RBM44: variants seen among roughly 807,000 people sequenced by gnomAD.
The protein encoded by RBM44 is RNA-binding protein 44.
A neutral mutation model predicts 105.1 loss-of-function variants in RBM44; 66 were observed. The observed-to-expected ratio is 0.63, with a 90% CI of 0.52 to 0.77. The LOEUF (loss-of-function observed/expected upper bound fraction) is 0.77. Among genes scored for constraint, RBM44 ranks in the 30% least tolerant of loss-of-function variants. RBM44 has a pLI of 0.00. For missense variants in RBM44, 1,122 were observed against 1,207.8 expected (o/e 0.93, Z 1.05); for synonymous variants, 365 against 417.6 (o/e 0.87, Z 1.54).
intron 12 of RBM44, among the ~76,000 whole-genome samples, chr2:237,828,531 T>C (rs2061871650): frequency 1.3e-5 from 2 of 152,130 alleles, no homozygotes; most frequent in Admixed American, 1.3e-4. Context: ...TGTGTAGAAA[T>C]TTAGAAAGTA....
chr2:237,838,644 A>G (rs1267190561), intron 15 of RBM44, among the ~76,000 whole-genome samples: 1 of 152,168 alleles, frequency 6.6e-6, no homozygotes, highest in Non-Finnish European at 1.5e-5. Context: ...TGTTGGGGGT[A>G]CTCAAGACCA....
intron 15 of RBM44, among the ~76,000 whole-genome samples, chr2:237,840,713 T>C (rs2150994270): frequency 6.6e-6 from 1 of 152,188 alleles, no homozygotes; most frequent in Middle Eastern, 3.4e-3. Context: ...TGTAAGGAAC[T>C]TAAATTAACA....
rs2061568342 is a variant in RBM44 at position 237,803,502 on chromosome 2, A to G, written c.-19+4641A>G. Among the ~76,000 whole-genome samples, 1 of 152,232 alleles carries G rather than the reference A, an allele frequency of 6.6e-6. No individual in the cohort carries two copies. Among genetic ancestry groups the G allele is most frequent in the South Asian group, 2.1e-4 (1 of 4,832 alleles). Reference sequence around the variant, plus strand: ...AGCAATTTAAAAAATCTATTTGTACAAGTTATTTATGTAATCTGAATAAGC... The same window carrying G: ...AGCAATTTAAAAAATCTATTTGTACGAGTTATTTATGTAATCTGAATAAGC... On this transcript the variant is annotated intron_variant, in intron 1 of 15. Coordinates refer to ENST00000316997, the MANE Select transcript of RBM44 (RefSeq NM_001080504.3). This position sits in a 1 kb window ranked among gnomAD's most constrained non-coding sequence, Gnocchi z 4.2.
At chr2:237,815,191 A>G (rs1418871682) in intron 2 of RBM44, among the ~76,000 whole-genome samples, 1 of 152,196 alleles carries the variant, frequency 6.6e-6, no homozygotes, top group Non-Finnish European at 1.5e-5. Flanking sequence ...AGCTAGGAAA[A>G]TTCAGTTATA....
At chr2:237,808,667 G>A (rs1446746562) in intron 1 of RBM44, among the ~76,000 whole-genome samples, 3 of 152,150 alleles carry the variant, frequency 2.0e-5, no homozygotes, top group Non-Finnish European at 4.4e-5. Context: ...CAAGGTAGGA[G>A]ATGTGACAGA....
intron 15 of RBM44, among the ~76,000 whole-genome samples, chr2:237,836,716 G>A (rs1418268547): frequency 1.3e-5 from 2 of 150,584 alleles, no homozygotes; most frequent in African/African-American, 4.9e-5. Flanking sequence ...GGAGGCAGAG[G>A]TTGCAGTGAG....
Position 237,819,871 on chromosome 2 carries a change from G to A in RBM44, c.1737-304G>A, listed in dbSNP as rs190181852. Among the ~76,000 whole-genome samples the A allele has an allele frequency of 3.6e-4, 54 of 151,954 alleles. No homozygotes were observed. In the South Asian group the frequency reaches 7.1e-3, roughly 20 times the overall value. On this transcript the variant is annotated intron_variant, in intron 4 of 15. Transcript: ENST00000316997. Reference sequence around the variant, plus strand: ...GGATAAATAAGGTCATTACCAAAATGACTTTATAGAGAATAAGCAATTCTC... The same window carrying A: ...GGATAAATAAGGTCATTACCAAAATAACTTTATAGAGAATAAGCAATTCTC...
chr2:237,818,418 CAAT>C lies in RBM44; in HGVS notation c.1500_1502del (p.Met502del), dbSNP rs1485956551. On this transcript the variant is annotated inframe_deletion, in exon 3 of 16. Coordinates refer to ENST00000316997, the MANE Select transcript of RBM44 (RefSeq NM_001080504.3). The surrounding 1 kb of genome is among the most constrained non-coding windows in gnomAD (Gnocchi z 4.6). ...TCTACATCAAGCAACACAGAGATAA[CAAT>C]GATGAATAAAAAACGACCTGATGAA... is the stretch of plus-strand genomic sequence containing the variant. 11 of 1,558,716 alleles carry C rather than the reference CAAT, an allele frequency of 7.1e-6. No homozygotes were observed. The highest frequency in any genetic ancestry group is 1.4e-5 in the African/African-American group (1 of 72,926).
chr2:237,836,835 G>T (rs1327661857), intron 15 of RBM44, among the ~76,000 whole-genome samples: 1 of 150,412 alleles, frequency 6.6e-6, no homozygotes, highest in African/African-American at 2.4e-5. Context: ...CACCTATGTT[G>T]CCCAGGCTGG....
chr2:237,833,726 A>G (rs1221337931), intron 13 of RBM44, among the ~76,000 whole-genome samples: 1 of 152,138 alleles, frequency 6.6e-6, no homozygotes, highest in Non-Finnish European at 1.5e-5. Flanking sequence ...TATGGTTCAG[A>G]TGAGGAATCT....
At chr2:237,834,209 AC>A (rs2061934117) in intron 14 of RBM44, 67 bp downstream of exon 14, 9 of 1,519,750 alleles carry the variant, frequency 5.9e-6, no homozygotes, top group African/African-American at 1.4e-5. Flanking sequence ...CAAGTTAATA[AC>A]TTAGATATAT....
In RBM44 at chr2:237,810,329, A is replaced by C. The variant is rs369527038; in HGVS notation, c.-18-3263A>C. On this transcript the variant is annotated intron_variant, in intron 1 of 15. Coordinates refer to ENST00000316997, the MANE Select transcript of RBM44 (RefSeq NM_001080504.3). ...CTCACAATTAACCTGTTTCTCTTAC[A>C]ATATGCATTCATTTTAACAAAAACA... 4.3e-4 allele frequency among the ~76,000 whole-genome samples: 66 copies of C among 152,336 alleles called. 2 individuals carry two copies. The highest frequency in any genetic ancestry group is 1.5e-3 in the African/African-American group (63 of 41,574).
At chr2:237,802,583 A>C (rs2061556231) in intron 1 of RBM44, among the ~76,000 whole-genome samples, 1 of 152,198 alleles carries the variant, frequency 6.6e-6, no homozygotes, top group South Asian at 2.1e-4. Context: ...TGAGCGCCCT[A>C]AGTGATTCTT....
chr2:237,822,985 A>C (rs1400682096), intron 8 of RBM44, among the ~76,000 whole-genome samples: 1 of 151,954 alleles, frequency 6.6e-6, no homozygotes, highest in African/African-American at 2.4e-5. Flanking sequence ...TTTTTACATA[A>C]ATTTAAATGT....
chr2:237,817,508 A>G lies in RBM44; in HGVS notation c.589A>G (p.Ile197Val), dbSNP rs745574712. 5 of 1,607,494 alleles carry G rather than the reference A, an allele frequency of 3.1e-6. No individual in the cohort carries two copies. Among genetic ancestry groups the G allele is most frequent in the Non-Finnish European group, 4.3e-6 (5 of 1,176,384 alleles). Residue 197 changes from isoleucine (I) to valine (V), a missense_variant, in exon 3 of 16, where the codon ATA becomes GTA. By Grantham distance (29) the Ile-to-Val change is conservative. This residue lies in a region of RBM44 where 918 missense variants were observed against 955.3 expected (regional missense o/e 0.96). Coordinates refer to ENST00000316997, the MANE Select transcript of RBM44 (RefSeq NM_001080504.3). ...EYHSAEEQEY[I>V]SNHLSFDQTK... Reference sequence around the variant, plus strand: ...TCACAGTGCAGAAGAACAAGAATACATAAGTAACCATTTATCTTTTGACCA... The same window carrying G: ...TCACAGTGCAGAAGAACAAGAATACGTAAGTAACCATTTATCTTTTGACCA...
chr2:237,820,502 C>T (rs2061774111), intron 5 of RBM44, 151 bp downstream of exon 5: 2 of 488,040 alleles, frequency 4.1e-6, no homozygotes, highest in South Asian at 8.0e-5. Context: ...GTAATAGAAC[C>T]CTTGAGTTTC....
chr2:237,815,579 T>A (rs913934626), intron 2 of RBM44, among the ~76,000 whole-genome samples: 1 of 152,164 alleles, frequency 6.6e-6, no homozygotes. Context: ...GAATTTTTTT[T>A]AAAGAAATGG....
At position 237,838,053 on chromosome 2, in the gene RBM44, A is replaced by G. The variant is rs1430552708; in HGVS notation, c.*22+3630A>G. Among the ~76,000 whole-genome samples, 4 of 152,364 alleles carry G rather than the reference A, an allele frequency of 2.6e-5. No individual in the cohort carries two copies. The South Asian group carries it at 8.3e-4, about 32-fold the overall frequency. On this transcript the variant is annotated intron_variant, in intron 15 of 15. Transcript: ENST00000316997. ...AAATCTTTTGTGAATGAAGGAGTCAATTGATGCAGCAAACTTCATTGTTGT... is the reference window on the plus strand; with the variant it reads ...AAATCTTTTGTGAATGAAGGAGTCAGTTGATGCAGCAAACTTCATTGTTGT...
At chr2:237,810,799 C>T (rs1333687906) in intron 1 of RBM44, among the ~76,000 whole-genome samples, 1 of 152,122 alleles carries the variant, frequency 6.6e-6, no homozygotes, top group Non-Finnish European at 1.5e-5. Flanking sequence ...AGCCAGAGTT[C>T]ATGGCATTTC....
Sources: gnomAD v4.1 joint callset for allele counts (sites outside exome capture counted in the v4.1 genomes callset) on GRCh38, gnomAD v4.1.1 for gene constraint, gnomAD v4.1.1 regional missense constraint, Gnocchi (gnomAD v3.1) non-coding constraint, MANE v1.5 for transcripts, NCBI Gene and HGNC (gene_info 2026-07-23, HGNC 2026-07-21) for gene names.